The following FCHSD2 variants were observed in gnomAD, a reference collection of about 807,000 sequenced individuals.
FCHSD2 encodes F-BAR and double SH3 domains protein 2.
Under a neutral mutation model 108.1 loss-of-function variants are expected in FCHSD2, and 38 were observed. The observed-to-expected ratio is 0.35, with a 90% CI of 0.27 to 0.46. The LOEUF is 0.46. Among genes scored for constraint, FCHSD2 ranks in the 20% least tolerant of loss-of-function variants. FCHSD2 has a pLI of 1.00. For synonymous variants in FCHSD2, 279 were observed against 314.7 expected (o/e 0.89, Z 1.20); for missense variants, 751 against 897.8 (o/e 0.84, Z 2.09).
chr11:72,950,108 T>A (rs1856594575), intron 8 of FCHSD2, among the ~76,000 whole-genome samples: 1 of 152,224 alleles, frequency 6.6e-6, no homozygotes, highest in African/African-American at 2.4e-5. Flanking sequence ...TGATTTTGAT[T>A]TGCATATTCC....
chr11:72,981,154 A>G (rs1857209037), intron 8 of FCHSD2, among the ~76,000 whole-genome samples: 1 of 152,188 alleles, frequency 6.6e-6, no homozygotes, highest in African/African-American at 2.4e-5. Flanking sequence ...TGTACAGTAC[A>G]TGAAAACTGA....
At chr11:73,068,748 C>T (rs1177380389) in intron 3 of FCHSD2, among the ~76,000 whole-genome samples, 2 of 141,344 alleles carry the variant, frequency 1.4e-5, no homozygotes, top group Non-Finnish European at 3.0e-5. Context: ...GGCAAGAGGA[C>T]TGCTTGAGCC....
intron 19 of FCHSD2, 102 bp downstream of exon 19, chr11:72,840,775 G>T (rs1860900805): frequency 3.7e-6 from 3 of 809,270 alleles, no homozygotes; most frequent in African/African-American, 1.7e-5. Flanking sequence ...TCCTTGTTTG[G>T]CATAGTCAGT....
rs190716684 is a variant in FCHSD2 at position 73,045,974 on chromosome 11, C to T, written c.166-30089G>A. Among the ~76,000 whole-genome samples, 697 of 137,032 alleles carry T rather than the reference C, an allele frequency of 5.1e-3. 4 individuals carry two copies. The highest frequency in any genetic ancestry group is 0.012 in the Admixed American group (155 of 12,932). The allele number at this position is 137,032 out of a possible 152,430, so 89.9% of individuals were successfully genotyped here. ...AAAACATCTCTTGCTTATATTTCTA[C>T]AATAATTTCAGTAATTTTTTTTTTT... On this transcript the variant is annotated intron_variant, in intron 3 of 19. Coordinates refer to ENST00000409418, the MANE Select transcript of FCHSD2 (RefSeq NM_014824.3).
intron 8 of FCHSD2, among the ~76,000 whole-genome samples, chr11:72,954,642 A>G (rs1856679177): frequency 6.6e-6 from 1 of 152,196 alleles, no homozygotes; most frequent in Admixed American, 6.5e-5. Flanking sequence ...GGGAAGATCA[A>G]AAGAGTAGCA....
chr11:72,838,764 A>G lies in FCHSD2; in HGVS notation c.*27T>C. On this transcript the variant is annotated 3_prime_UTR_variant, in exon 20 of 20. Coordinates refer to ENST00000409418, the MANE Select transcript of FCHSD2 (RefSeq NM_014824.3). ...AAACTCCAAGCCTGGCCTTGATTGTAGCAGTAATGGATGGGCAAGCCCATC... is the reference window on the plus strand; with the variant it reads ...AAACTCCAAGCCTGGCCTTGATTGTGGCAGTAATGGATGGGCAAGCCCATC... 1 of 1,564,366 alleles carries G rather than the reference A, an allele frequency of 6.4e-7. No homozygotes were observed. The highest frequency in any genetic ancestry group is 8.7e-7 in the Non-Finnish European group (1 of 1,149,290).
At chr11:72,867,826 T>A in intron 13 of FCHSD2, 39 bp downstream of exon 13, 1 of 1,581,178 alleles carries the variant, frequency 6.3e-7, no homozygotes, top group Non-Finnish European at 8.6e-7. Flanking sequence ...CATGCTTCAG[T>A]GAAAATCAAC....
At chr11:72,957,841 A>G (rs1393784747) in intron 8 of FCHSD2, among the ~76,000 whole-genome samples, 1 of 152,214 alleles carries the variant, frequency 6.6e-6, no homozygotes, top group Non-Finnish European at 1.5e-5. Context: ...ATAAATATAT[A>G]GTGAGGGAGA....
At chr11:72,917,287 C>G (rs986371652) in intron 9 of FCHSD2, among the ~76,000 whole-genome samples, 1 of 152,162 alleles carries the variant, frequency 6.6e-6, no homozygotes, top group Non-Finnish European at 1.5e-5. Context: ...CTGGCTTGAA[C>G]TTCATTCTTT....
intron 8 of FCHSD2, among the ~76,000 whole-genome samples, chr11:72,980,260 G>A (rs1565352021): frequency 6.6e-6 from 1 of 152,136 alleles, no homozygotes; most frequent in Non-Finnish European, 1.5e-5. Flanking sequence ...AGTTAACTAG[G>A]GAAAAGACAG....
At chr11:72,971,819 G>A (rs1303589075) in intron 8 of FCHSD2, among the ~76,000 whole-genome samples, 3 of 152,194 alleles carry the variant, frequency 2.0e-5, no homozygotes, top group South Asian at 4.1e-4. Flanking sequence ...AGAACTGTGA[G>A]ATAATAAATG....
At chr11:72,969,803 T>G (rs1388949971) in intron 8 of FCHSD2, among the ~76,000 whole-genome samples, 4 of 152,202 alleles carry the variant, frequency 2.6e-5, no homozygotes, top group Non-Finnish European at 5.9e-5. Context: ...AGCAAAATTC[T>G]TAGGCTTAAG....
chr11:72,866,755 C>A (rs1255731869), intron 13 of FCHSD2, among the ~76,000 whole-genome samples: 1 of 152,206 alleles, frequency 6.6e-6, no homozygotes. Context: ...AGTGTATTCT[C>A]ATTAGAAAAT....
At chr11:73,055,010 G>A (rs1291322178) in intron 3 of FCHSD2, among the ~76,000 whole-genome samples, 1 of 152,130 alleles carries the variant, frequency 6.6e-6, no homozygotes, top group Non-Finnish European at 1.5e-5. Context: ...GGTTCCACGT[G>A]GCTGGGGAGG....
intron 8 of FCHSD2, among the ~76,000 whole-genome samples, chr11:72,936,600 C>T (rs1225825935): frequency 6.6e-6 from 1 of 152,150 alleles, no homozygotes; most frequent in Non-Finnish European, 1.5e-5. Flanking sequence ...CATAGCAAGA[C>T]TCCATCTCTA....
intron 9 of FCHSD2, among the ~76,000 whole-genome samples, chr11:72,911,990 A>G (rs1855774152): frequency 6.6e-6 from 1 of 152,170 alleles, no homozygotes; most frequent in East Asian, 1.9e-4. Context: ...TTATTTTTGT[A>G]TGTTGATTTT....
intron 2 of FCHSD2, among the ~76,000 whole-genome samples, chr11:73,117,833 G>T (rs985825229): frequency 6.6e-6 from 1 of 152,130 alleles, no homozygotes; most frequent in African/African-American, 2.4e-5. Flanking sequence ...TATTTTTGGT[G>T]TCTTTAAAGC....
intron 2 of FCHSD2, among the ~76,000 whole-genome samples, chr11:73,118,143 A>G (rs1484531632): frequency 6.6e-6 from 1 of 152,050 alleles, no homozygotes; most frequent in African/African-American, 2.4e-5. Context: ...ACATGGTAAC[A>G]CCCCATCTCT....
intron 2 of FCHSD2, among the ~76,000 whole-genome samples, chr11:73,100,606 G>A (rs1044089162): frequency 5.9e-5 from 9 of 151,988 alleles, no homozygotes; most frequent in Non-Finnish European, 7.4e-5. Flanking sequence ...CAGGTGATCC[G>A]CCCACCTTAG....
Sources: allele counts gnomAD v4.1 joint callset (sites outside exome capture counted in the v4.1 genomes callset), GRCh38; gene constraint gnomAD v4.1.1; transcripts MANE v1.5; gene names NCBI Gene and HGNC (gene_info 2026-07-23, HGNC 2026-07-21).